The following KCNQ5 variants were observed in gnomAD, a reference collection of about 807,000 sequenced individuals.
KCNQ5 encodes the protein potassium voltage-gated channel subfamily Q member 5.
A neutral mutation model predicts 98.2 loss-of-function variants in KCNQ5; 30 were observed. That is an observed-to-expected ratio of 0.31 (90% CI 0.23 to 0.41). The LOEUF (loss-of-function observed/expected upper bound fraction) is 0.41, where lower values mean the gene tolerates loss of function less well. Among genes scored for constraint, KCNQ5 ranks in the 10% least tolerant of loss-of-function variants. The pLI is 1.00. For synonymous variants in KCNQ5, 458 were observed against 449.4 expected (o/e 1.02, Z -0.24); for missense variants, 835 against 1,182.5 (o/e 0.71, Z 4.31).
intron 5 of KCNQ5, among the ~76,000 whole-genome samples, chr6:73,102,226 T>C (rs1041086398): frequency 4.6e-5 from 7 of 152,104 alleles, no homozygotes; most frequent in South Asian, 2.1e-4. Context: ...CCCCTATCCC[T>C]TGCCATATGG....
chr6:72,893,587 G>A (rs139644554), intron 1 of KCNQ5, among the ~76,000 whole-genome samples: 1 of 152,168 alleles, frequency 6.6e-6, no homozygotes, highest in East Asian at 1.9e-4. Context: ...TTCTTTCCTT[G>A]GTAAACACTG....
chr6:72,827,878 T>C (rs916200472), intron 1 of KCNQ5, among the ~76,000 whole-genome samples: 1 of 152,174 alleles, frequency 6.6e-6, no homozygotes, highest in East Asian at 1.9e-4. Context: ...CATTTAGGTC[T>C]TTGATCCATT....
chr6:72,863,445 T>C (rs1222562889), intron 1 of KCNQ5, among the ~76,000 whole-genome samples: 1 of 152,242 alleles, frequency 6.6e-6, no homozygotes, highest in Non-Finnish European at 1.5e-5. Flanking sequence ...AGATTTCCAT[T>C]TTCAGATTCC....
intron 2 of KCNQ5, among the ~76,000 whole-genome samples, chr6:73,040,546 C>T (rs1771642289): frequency 6.6e-6 from 1 of 152,164 alleles, no homozygotes; most frequent in African/African-American, 2.4e-5. Context: ...CAAAATCAAA[C>T]AAAACCTTCG....
At chr6:72,835,424 A>C (rs1359492963) in intron 1 of KCNQ5, among the ~76,000 whole-genome samples, 1 of 152,120 alleles carries the variant, frequency 6.6e-6, no homozygotes, top group East Asian at 1.9e-4. Context: ...AGTTTCTAAT[A>C]GTAGAGTACC....
intron 1 of KCNQ5, among the ~76,000 whole-genome samples, chr6:72,687,605 G>A (rs1768018833): frequency 6.6e-6 from 1 of 152,202 alleles, no homozygotes; most frequent in Non-Finnish European, 1.5e-5. Flanking sequence ...GAGATAAAAA[G>A]TGAAAGCATA....
At chr6:73,024,488 T>C (rs1206111050) in intron 2 of KCNQ5, among the ~76,000 whole-genome samples, 1 of 151,900 alleles carries the variant, frequency 6.6e-6, no homozygotes, top group East Asian at 1.9e-4. Context: ...AAGAGAAGAA[T>C]TAATTGCTTG....
In KCNQ5 at chr6:73,195,333, A is replaced by C; in HGVS notation, c.2718A>C (p.Gly906=). Residue 906 remains glycine, a synonymous_variant, in exon 14 of 14, where the codon GGA becomes GGC. Coordinates refer to ENST00000370398, the MANE Select transcript of KCNQ5 (RefSeq NM_019842.4). Reference sequence around the variant, plus strand: ...TTGCATCAGACTCTCTAAGGACTGGAAGGTCACGATCATCTCAGAGCATTT... The same window carrying C: ...TTGCATCAGACTCTCTAAGGACTGGCAGGTCACGATCATCTCAGAGCATTT... The part of the protein sequence containing the change: ...AAFASDSLRT[G]RSRSSQSICK... The C allele has an allele frequency of 6.2e-7, 1 of 1,614,164 alleles. No individual in the cohort carries two copies. The highest frequency in any genetic ancestry group is 8.5e-7 in the Non-Finnish European group (1 of 1,180,028).
chr6:72,988,649 C>CTTTTTTTTTTTT (rs71540364), intron 1 of KCNQ5, among the ~76,000 whole-genome samples: 1 of 127,864 alleles, frequency 7.8e-6, no homozygotes, highest in Non-Finnish European at 1.6e-5. Flanking sequence ...GCATGATTTT[C>CTTTTTTTTTTTT]TTTTTTTTTT....
chr6:73,143,437 G>A (rs1041687662), intron 10 of KCNQ5: 32 of 152,210 alleles, frequency 2.1e-4, no homozygotes, highest in African/African-American at 4.3e-4. Flanking sequence ...CTAGTTTCAC[G>A]TCTCTTTGAT....
intron 3 of KCNQ5, chr6:73,054,968 G>A: frequency 9.9e-6 from 4 of 404,644 alleles, no homozygotes; most frequent in South Asian, 8.4e-5. Context: ...AAGCTCCTTG[G>A]TTTGATAAAC....
chr6:72,787,004 C>CAAA (rs1045803750), intron 1 of KCNQ5, among the ~76,000 whole-genome samples: 43 of 50,430 alleles, frequency 8.5e-4, no homozygotes, highest in Admixed American at 1.0e-3. Flanking sequence ...GACTCTGTCT[C>CAAA]AAAAAAAAAA....
intron 1 of KCNQ5, among the ~76,000 whole-genome samples, chr6:72,854,031 A>G (rs1460543586): frequency 2.6e-5 from 4 of 152,220 alleles, no homozygotes; most frequent in African/African-American, 7.2e-5. Context: ...AAATCATGCC[A>G]GTGCCCTACT....
At chr6:73,055,590 A>G (rs1475241114) in intron 3 of KCNQ5, 2 of 1,343,224 alleles carry the variant, frequency 1.5e-6, no homozygotes, top group East Asian at 4.6e-5. Flanking sequence ...CCCTTCTGGA[A>G]TGAAGAAGTA....
chr6:72,782,641 G>C (rs1773547330), intron 1 of KCNQ5, among the ~76,000 whole-genome samples: 1 of 152,066 alleles, frequency 6.6e-6, no homozygotes, highest in Non-Finnish European at 1.5e-5. Context: ...TGCTCAGAAA[G>C]TCCCCTTGTC....
At chr6:72,980,189 A>T (rs529108567) in intron 1 of KCNQ5, among the ~76,000 whole-genome samples, 2 of 152,310 alleles carry the variant, frequency 1.3e-5, no homozygotes, top group South Asian at 4.1e-4. Flanking sequence ...TGAACTTTAA[A>T]GTAGTTTTTT....
At chr6:72,654,651 T>C (rs2154472552) in intron 1 of KCNQ5, among the ~76,000 whole-genome samples, 1 of 152,186 alleles carries the variant, frequency 6.6e-6, no homozygotes, top group South Asian at 2.1e-4. Context: ...TAAGACATTG[T>C]GATTTCCAGA....
chr6:72,737,024 G>A (rs149981396), intron 1 of KCNQ5, among the ~76,000 whole-genome samples: 4,703 of 151,816 alleles, frequency 0.031, 227 homozygotes, highest in African/African-American at 0.11. Flanking sequence ...ACAGTGGCGC[G>A]ATCTCAGCTC....
chr6:72,639,919 C>T (rs1232786347), intron 1 of KCNQ5, among the ~76,000 whole-genome samples: 1 of 151,920 alleles, frequency 6.6e-6, no homozygotes, highest in East Asian at 1.9e-4. Context: ...ATAACAAGAT[C>T]CTGGAGTTAT....
Sources: allele counts gnomAD v4.1 joint callset (sites outside exome capture counted in the v4.1 genomes callset), GRCh38; gene constraint gnomAD v4.1.1; transcripts MANE v1.5; gene names NCBI Gene and HGNC (gene_info 2026-07-23, HGNC 2026-07-21).